PARD3B: variants seen among roughly 807,000 people sequenced by gnomAD.
The protein encoded by PARD3B is partitioning defective 3 homolog B.
In PARD3B, 103 loss-of-function variants were observed where a neutral mutation model predicts 130.2. That is an observed-to-expected ratio of 0.79 (90% confidence interval 0.67 to 0.93). The LOEUF (loss-of-function observed/expected upper bound fraction) is 0.93. Among genes scored for constraint, PARD3B ranks in the 40% least tolerant of loss-of-function variants. PARD3B has a pLI of 0.00. For synonymous variants in PARD3B, 583 were observed against 553.2 expected (o/e 1.05, Z -0.76); for missense variants, 1,609 against 1,499.2 (o/e 1.07, Z -1.21).
Position 205,540,511 on chromosome 2 carries a change from C to T in PARD3B, c.3181-12813C>T, listed in dbSNP as rs554842005. 7.4e-4 allele frequency among the ~76,000 whole-genome samples: 112 copies of T among 152,238 alleles called. 1 individual carries two copies. Among genetic ancestry groups the T allele is most frequent in the South Asian group, 8.3e-4 (4 of 4,818 alleles). On this transcript the variant is annotated intron_variant, in intron 21 of 22. Coordinates refer to ENST00000406610, the MANE Select transcript of PARD3B (RefSeq NM_001302769.2). ...TCAATGCTATTGAAATCAAAACATT[C>T]AATGCAATGAGCCCTTCGGACAGGT...
intron 15 of PARD3B, among the ~76,000 whole-genome samples, chr2:205,203,917 G>T (rs1360941579): frequency 6.6e-6 from 1 of 152,306 alleles, no homozygotes; most frequent in African/African-American, 2.4e-5. Context: ...AAACATACGT[G>T]TACATGTCTC....
chr2:204,799,878 TG>T lies in PARD3B; in HGVS notation c.222+113598del, dbSNP rs1409247735. Among the ~76,000 whole-genome samples, 3 of 152,192 alleles carry T rather than the reference TG, an allele frequency of 2.0e-5. No individual in the cohort carries two copies. Among genetic ancestry groups the T allele is most frequent in the Admixed American group, 2.0e-4 (3 of 15,276 alleles). On this transcript the variant is annotated intron_variant, in intron 2 of 22. Coordinates refer to ENST00000406610, the MANE Select transcript of PARD3B (RefSeq NM_001302769.2). This position sits in a 1 kb window ranked among gnomAD's most constrained non-coding sequence, Gnocchi z 4.1. ...ATTTATATCACAGCATCAGTTCCCT[TG>T]GAATACTTGGTAAGCCTTCCTAAGA...
intron 2 of PARD3B, among the ~76,000 whole-genome samples, chr2:204,861,595 A>C (rs1008414348): frequency 3.3e-5 from 5 of 152,174 alleles, no homozygotes; most frequent in Admixed American, 6.5e-5. Flanking sequence ...GTGTCACTGG[A>C]GATGCCTCTG....
At chr2:204,889,723 CTG>C (rs1381795749) in intron 2 of PARD3B, among the ~76,000 whole-genome samples, 1 of 152,242 alleles carries the variant, frequency 6.6e-6, no homozygotes, top group Non-Finnish European at 1.5e-5. Flanking sequence ...GCAGGCATGG[CTG>C]TGTATACCTC....
At chr2:205,549,908 G>A (rs566058118) in intron 21 of PARD3B, among the ~76,000 whole-genome samples, 4 of 152,072 alleles carry the variant, frequency 2.6e-5, no homozygotes, top group Non-Finnish European at 5.9e-5. Flanking sequence ...TCTGTATGCC[G>A]CCTAAATTTT....
Position 205,300,515 on chromosome 2 carries a change from C to A in PARD3B, c.2186-15C>A. On this transcript the variant is annotated splice_polypyrimidine_tract_variant and intron_variant, in intron 16 of 22. Transcript: ENST00000406610. The surrounding 1 kb of genome is among the most constrained non-coding windows in gnomAD (Gnocchi z 4.1). ...CCATTAGAAGAGGGGTGACCTTTTG[C>A]CCTTTCTTTTCCAGAATCTCCAAGC... The A allele has an allele frequency of 6.2e-7, 1 of 1,604,354 alleles. No individual in the cohort carries two copies.
At chr2:204,708,501 G>A (rs2125293716) in intron 2 of PARD3B, among the ~76,000 whole-genome samples, 1 of 152,170 alleles carries the variant, frequency 6.6e-6, no homozygotes, top group South Asian at 2.1e-4. Flanking sequence ...ATAGATATTC[G>A]GGTTTTAGAA....
At chr2:205,257,787 A>G (rs1457507100) in intron 16 of PARD3B, among the ~76,000 whole-genome samples, 3 of 152,326 alleles carry the variant, frequency 2.0e-5, no homozygotes, top group East Asian at 1.9e-4. Context: ...TTTGAAAAGC[A>G]CTGATTAATT....
chr2:205,011,679 C>T lies in PARD3B; in HGVS notation c.395-35902C>T, dbSNP rs1346203305. On this transcript the variant is annotated intron_variant, in intron 3 of 22. Coordinates refer to ENST00000406610, the MANE Select transcript of PARD3B (RefSeq NM_001302769.2). The surrounding 1 kb of genome is among the most constrained non-coding windows in gnomAD (Gnocchi z 4.1). Reference sequence around the variant, plus strand: ...AATTATTTTCCGCAGAGAAAGACTCCTCTCCATGTGCCTTACCTGAAGATT... The same window carrying T: ...AATTATTTTCCGCAGAGAAAGACTCTTCTCCATGTGCCTTACCTGAAGATT... Among the ~76,000 whole-genome samples the T allele has an allele frequency of 6.6e-6, 1 of 152,130 alleles. No individual in the cohort carries two copies. Among genetic ancestry groups the T allele is most frequent in the East Asian group, 1.9e-4 (1 of 5,194 alleles).
intron 1 of PARD3B, among the ~76,000 whole-genome samples, chr2:204,668,342 T>C (rs1189240831): frequency 1.3e-5 from 2 of 152,172 alleles, no homozygotes; most frequent in Non-Finnish European, 1.5e-5. Context: ...TGAATTCTTA[T>C]TGACTCAGTT....
intron 4 of PARD3B, among the ~76,000 whole-genome samples, chr2:205,074,244 A>G (rs1323513371): frequency 1.3e-5 from 2 of 152,198 alleles, no homozygotes; most frequent in Non-Finnish European, 2.9e-5. Flanking sequence ...GAATAAAAAC[A>G]AAGACATTAA....
intron 2 of PARD3B, among the ~76,000 whole-genome samples, chr2:204,911,060 C>T (rs7589114): frequency 0.3 from 45,813 of 152,044 alleles, 7,457 homozygotes; most frequent in Non-Finnish European, 0.36. Context: ...TCATAAATTA[C>T]CACTTTATTT....
intron 18 of PARD3B, among the ~76,000 whole-genome samples, chr2:205,355,174 C>T (rs1233261793): frequency 6.6e-6 from 1 of 152,192 alleles, no homozygotes; most frequent in Non-Finnish European, 1.5e-5. Flanking sequence ...TCGTGAAAGG[C>T]TTTATCATTT....
intron 19 of PARD3B, among the ~76,000 whole-genome samples, chr2:205,409,933 T>C (rs1414755384): frequency 6.6e-6 from 1 of 152,176 alleles, no homozygotes; most frequent in South Asian, 2.1e-4. Context: ...TCCAGGATAT[T>C]TGGTTGTAAT....
chr2:205,544,308 T>C (rs1408532488), intron 21 of PARD3B, among the ~76,000 whole-genome samples: 1 of 152,126 alleles, frequency 6.6e-6, no homozygotes, highest in Non-Finnish European at 1.5e-5. Context: ...GTTTACTTTT[T>C]AGCCAGTGTT....
intron 20 of PARD3B, among the ~76,000 whole-genome samples, chr2:205,469,466 AC>A (rs1323950989): frequency 6.6e-6 from 1 of 152,182 alleles, no homozygotes; most frequent in Non-Finnish European, 1.5e-5. Flanking sequence ...AGGAGGAAGC[AC>A]TTCCTACTAA....
Position 205,470,805 on chromosome 2 carries a change from C to A in PARD3B, c.3045-29091C>A, listed in dbSNP as rs55861589. ...ATGTTTGACTCTATTAGGAAAAATT[C>A]TATGGAGTTTACAATAGAATCATAG... On this transcript the variant is annotated intron_variant, in intron 20 of 22. Transcript: ENST00000406610. This position sits in a 1 kb window ranked among gnomAD's most constrained non-coding sequence, Gnocchi z 4.8. Among the ~76,000 whole-genome samples the A allele has an allele frequency of 0.034, 5,224 of 152,232 alleles. 312 individuals carry two copies. Among genetic ancestry groups the A allele is most frequent in the African/African-American group, 0.12 (4,940 of 41,528 alleles).
chr2:205,354,026 CT>C (rs869308018), intron 18 of PARD3B, among the ~76,000 whole-genome samples: 1,140 of 50,348 alleles, frequency 0.023, 4 homozygotes, highest in African/African-American at 0.048. Context: ...TTTTCTTTTC[CT>C]TTTTTTTTTT....
rs368097491 is a variant in PARD3B at position 205,440,322 on chromosome 2, T to G, written c.2742-48T>G. On this transcript the variant is annotated intron_variant, in intron 19 of 22. Transcript: ENST00000406610. The surrounding 1 kb of genome is among the most constrained non-coding windows in gnomAD (Gnocchi z 4.2). Reference sequence around the variant, plus strand: ...TTCAAGAGAGTATTTCATTGTATTATTATATGAAACTCACATACATCTTTG... The same window carrying G: ...TTCAAGAGAGTATTTCATTGTATTAGTATATGAAACTCACATACATCTTTG... The G allele has an allele frequency of 6.5e-6, 10 of 1,529,428 alleles. No homozygotes were observed. In the East Asian group the frequency reaches 6.8e-5, roughly 10 times the overall value. 94.7% of individuals were successfully genotyped at this position (1,529,428 alleles called of 1,614,324 possible).
Sources: gnomAD v4.1 joint callset for allele counts (sites outside exome capture counted in the v4.1 genomes callset) on GRCh38, gnomAD v4.1.1 for gene constraint, Gnocchi (gnomAD v3.1) non-coding constraint, MANE v1.5 for transcripts, NCBI Gene and HGNC (gene_info 2026-07-23, HGNC 2026-07-21) for gene names.